The following PRKG1 variants were observed in gnomAD, a reference collection of about 807,000 sequenced individuals.
The protein encoded by PRKG1 is protein kinase cGMP-dependent 1.
Under a neutral mutation model 88.1 loss-of-function variants are expected in PRKG1, and 35 were observed. The observed-to-expected ratio is 0.40, with a 90% CI of 0.30 to 0.53. The LOEUF (loss-of-function observed/expected upper bound fraction) is 0.53, where lower values mean the gene tolerates loss of function less well. PRKG1 is among the 20% of genes least tolerant of loss of function. The probability of loss-of-function intolerance (pLI) is 0.59; values close to 1 mark genes in which losing one functional copy is unlikely to be tolerated. For synonymous variants in PRKG1, 303 were observed against 292.5 expected (o/e 1.04, Z -0.37); for missense variants, 540 against 839.8 (o/e 0.64, Z 4.41).
intron 5 of PRKG1, among the ~76,000 whole-genome samples, chr10:51,937,654 C>T (rs577023281): frequency 2.2e-4 from 33 of 152,042 alleles, no homozygotes; most frequent in African/African-American, 6.7e-4. Context: ...ACTTTGTTTT[C>T]CTTTTTATGT....
At position 52,288,699 on chromosome 10, in the gene PRKG1, C is replaced by A. The variant is rs780980187; in HGVS notation, c.1710-27C>A. 2.6e-6 allele frequency: 4 copies of A among 1,556,670 alleles called. No individual in the cohort carries two copies. In the Admixed American group the frequency reaches 8.6e-5, roughly 34 times the overall value. ...CTCATGTAGAAAATAAAAGTAATAT[C>A]TCTTGTCGTGTCTCTCATTCTTGCA... is the stretch of plus-strand genomic sequence containing the variant. On this transcript the variant is annotated intron_variant, in intron 14 of 17. Coordinates refer to ENST00000373980, the MANE Select transcript of PRKG1 (RefSeq NM_006258.4).
chr10:51,591,702 G>T (rs150089256), intron 3 of PRKG1, among the ~76,000 whole-genome samples: 2 of 152,186 alleles, frequency 1.3e-5, no homozygotes, highest in Admixed American at 1.3e-4. Flanking sequence ...ATAATCTTTC[G>T]TTCCCATTTG....
At chr10:51,136,595 C>CG (rs1223771735) in intron 1 of PRKG1, among the ~76,000 whole-genome samples, 1 of 60,560 alleles carries the variant, frequency 1.7e-5, no homozygotes, top group Non-Finnish European at 3.2e-5. Flanking sequence ...GGGAGGGGGG[C>CG]GGGGGGAGAG....
intron 5 of PRKG1, chr10:51,910,365 C>T (rs1842190165): frequency 6.6e-6 from 1 of 152,134 alleles, no homozygotes; most frequent in Non-Finnish European, 1.5e-5. Flanking sequence ...AGAAAAGGAT[C>T]TGTCTCTTTT....
intron 17 of PRKG1, among the ~76,000 whole-genome samples, chr10:52,291,219 C>T (rs943297588): frequency 6.6e-6 from 1 of 150,776 alleles, no homozygotes; most frequent in African/African-American, 2.4e-5. Flanking sequence ...CCGCGCTGGG[C>T]CTACGTGATC....
chr10:51,171,407 G>A (rs915381931), intron 2 of PRKG1, among the ~76,000 whole-genome samples: 15 of 152,092 alleles, frequency 9.9e-5, no homozygotes, highest in African/African-American at 3.4e-4. Context: ...GAGGAGGCTG[G>A]TGGAGCAGCT....
At chr10:51,679,887 C>T (rs1840805597) in intron 3 of PRKG1, among the ~76,000 whole-genome samples, 1 of 121,198 alleles carries the variant, frequency 8.3e-6, no homozygotes, top group Non-Finnish European at 1.7e-5. Flanking sequence ...CCCGACCCCA[C>T]CACAGTCCCC....
At chr10:51,331,521 T>C (rs886478967) in intron 2 of PRKG1, among the ~76,000 whole-genome samples, 2 of 152,092 alleles carry the variant, frequency 1.3e-5, no homozygotes, top group Non-Finnish European at 2.9e-5. Context: ...TCCTCTCTTT[T>C]CTCCAAGTAG....
intron 2 of PRKG1, among the ~76,000 whole-genome samples, chr10:51,287,865 T>C (rs1840482238): frequency 6.6e-6 from 1 of 152,156 alleles, no homozygotes; most frequent in African/African-American, 2.4e-5. Flanking sequence ...AAAAATTATA[T>C]TGTCACTTTT....
chr10:52,038,235 G>A (rs1466361668), intron 5 of PRKG1, among the ~76,000 whole-genome samples: 1 of 151,900 alleles, frequency 6.6e-6, no homozygotes, highest in African/African-American at 2.4e-5. Flanking sequence ...AGGGTGGAAG[G>A]TTGCCTATAG....
intron 4 of PRKG1, among the ~76,000 whole-genome samples, chr10:51,817,355 C>CA (rs895361364): frequency 2.0e-5 from 3 of 148,886 alleles, no homozygotes; most frequent in Non-Finnish European, 3.0e-5. Flanking sequence ...CAACCCCCCC[C>CA]CTCCCCTGAC....
chr10:51,550,657 T>C (rs1837105437), intron 3 of PRKG1, among the ~76,000 whole-genome samples: 1 of 152,032 alleles, frequency 6.6e-6, no homozygotes. Flanking sequence ...ATATTTGGAA[T>C]GGCCTTACTT....
At chr10:51,439,810 A>G (rs907827560) in intron 2 of PRKG1, among the ~76,000 whole-genome samples, 1 of 151,910 alleles carries the variant, frequency 6.6e-6, no homozygotes, top group East Asian at 1.9e-4. Context: ...TCAAGGTACT[A>G]AGATTGAATG....
chr10:51,428,973 T>C (rs1009030056), intron 2 of PRKG1, among the ~76,000 whole-genome samples: 9 of 152,206 alleles, frequency 5.9e-5, no homozygotes, highest in African/African-American at 2.2e-4. Flanking sequence ...TGTACACATG[T>C]GCAAATTTGC....
intron 1 of PRKG1, among the ~76,000 whole-genome samples, chr10:51,045,951 G>A (rs989935365): frequency 1.3e-5 from 2 of 152,116 alleles, no homozygotes; most frequent in Admixed American, 6.5e-5. Context: ...ATGTTGAAAT[G>A]TTGTAAAACA....
rs1842333590 is a variant in PRKG1, at chr10:52,294,156, A to G, written c.*256A>G. The stretch of plus-strand genomic sequence containing the variant: ...AAGCAAAGCCTTTCACCAGTAAAAG[A>G]TGTTTTCTATTGTTGCAATGACCTT... On this transcript the variant is annotated 3_prime_UTR_variant, in exon 18 of 18. Transcript: ENST00000373980. 2 of 363,848 alleles carry G rather than the reference A, an allele frequency of 5.5e-6. No homozygotes were observed. The highest frequency in any genetic ancestry group is 4.2e-5 in the African/African-American group (2 of 47,642). 22.5% of individuals were successfully genotyped at this position (363,848 alleles called of 1,614,324 possible).
intron 2 of PRKG1, among the ~76,000 whole-genome samples, chr10:51,271,617 T>C (rs1839982617): frequency 6.6e-6 from 1 of 152,212 alleles, no homozygotes; most frequent in Admixed American, 6.5e-5. Context: ...AAATCTATGG[T>C]CTAATGTGAT....
chr10:51,907,396 T>A (rs1257341758), intron 4 of PRKG1, 111 bp from the exon 5 acceptor site: 2 of 826,298 alleles, frequency 2.4e-6, no homozygotes, highest in Non-Finnish European at 3.6e-6. Context: ...TTTTGGCAGA[T>A]TCCTTGTCAT....
At chr10:51,656,877 A>C (rs12253374) in intron 3 of PRKG1, among the ~76,000 whole-genome samples, 1,726 of 152,210 alleles carry the variant, frequency 0.011, 35 homozygotes, top group African/African-American at 0.039. Context: ...GGTAGCATAG[A>C]GTAAGGCAAA....
Sources: allele counts gnomAD v4.1 joint callset (sites outside exome capture counted in the v4.1 genomes callset), GRCh38; gene constraint gnomAD v4.1.1; transcripts MANE v1.5; gene names NCBI Gene and HGNC (gene_info 2026-07-23, HGNC 2026-07-21).